The following EFHC2 variants were observed in gnomAD, a reference collection of about 807,000 sequenced individuals.
The protein encoded by EFHC2 is EF-hand domain-containing family member C2.
A neutral mutation model predicts 52.7 loss-of-function variants in EFHC2; 18 were observed. The observed-to-expected ratio is 0.34, with a 90% CI of 0.24 to 0.51. The LOEUF is 0.51. Among genes scored for constraint, EFHC2 ranks in the 20% least tolerant of loss-of-function variants. The pLI, the probability that EFHC2 is intolerant of heterozygous loss-of-function variation, is 0.97. For missense variants in EFHC2, 513 were observed against 562.5 expected, an observed-to-expected ratio of 0.91 and a Z score of 0.89; for synonymous variants, 203 against 204.1, an observed-to-expected ratio of 0.99 and a Z score of 0.04.
intron 11 of EFHC2, among the ~76,000 whole-genome samples, chrX:44,190,702 G>GAA (rs11435008): frequency 7.5e-5 from 8 of 106,679 alleles, no homozygotes; most frequent in Admixed American, 3.0e-4. Context: ...TGTTGATGGG[G>GAA]AAAAAAAAAT....
At chrX:44,182,570 C>A (rs540655412) in intron 11 of EFHC2, among the ~76,000 whole-genome samples, 1 of 112,231 alleles carries the variant, frequency 8.9e-6, no homozygotes, top group South Asian at 3.7e-4. Flanking sequence ...AACATAGGTA[C>A]AACTTCCATC....
intron 2 of EFHC2, among the ~76,000 whole-genome samples, chrX:44,306,344 A>G (rs1228653299): frequency 4.5e-5 from 5 of 111,542 alleles, no homozygotes; most frequent in Non-Finnish European, 9.4e-5. Flanking sequence ...CCAGACAGGA[A>G]AAACAAAAGG....
At chrX:44,321,579 AGGGGCAGCTGGTAAGAT>A (rs1001723973) in intron 1 of EFHC2, among the ~76,000 whole-genome samples, 3 of 111,796 alleles carry the variant, frequency 2.7e-5, no homozygotes, top group African/African-American at 9.8e-5. Flanking sequence ...AAGACTAAAA[AGGGGCAGCTGGTAAGAT>A]GGGAAGAACA....
chrX:44,177,476 C>A (rs1285154582), intron 12 of EFHC2, among the ~76,000 whole-genome samples: 1 of 111,129 alleles, frequency 9.0e-6, no homozygotes, highest in African/African-American at 3.3e-5. Flanking sequence ...AGAGCAAGAA[C>A]TAAGATTTTT....
At chrX:44,150,690 G>C (rs1479774395) in intron 14 of EFHC2, among the ~76,000 whole-genome samples, 3 of 111,578 alleles carry the variant, frequency 2.7e-5, no homozygotes, top group African/African-American at 9.8e-5. Flanking sequence ...GGGCATGGAG[G>C]ACAGGAGCTA....
intron 11 of EFHC2, among the ~76,000 whole-genome samples, chrX:44,217,105 A>G (rs1045851464): frequency 7.1e-5 from 8 of 112,450 alleles, no homozygotes; most frequent in African/African-American, 2.6e-4. Context: ...AATGGCAAAC[A>G]GGCATATGAA....
Position 44,198,230 on chromosome X carries a change from C to T in EFHC2, c.1752-19666G>A, listed in dbSNP as rs187683051. 9.8e-4 allele frequency among the ~76,000 whole-genome samples: 110 copies of T among 111,880 alleles called. No individual in the cohort carries two copies. In the East Asian group the frequency reaches 0.028, roughly 28 times the overall value. On this transcript the variant is annotated intron_variant, in intron 11 of 14. Coordinates refer to ENST00000420999, the MANE Select transcript of EFHC2 (RefSeq NM_025184.4). Reference sequence around the variant, plus strand: ...CCACTCTTTAGAAACATAAGAAACACTCTATCTGTTTTGGCACAACATTAT... The same window carrying T: ...CCACTCTTTAGAAACATAAGAAACATTCTATCTGTTTTGGCACAACATTAT...
In EFHC2 at chrX:44,225,148, G is replaced by C. The variant is rs142477622; in HGVS notation, c.1751+4501C>G. ...GCAGCTCTCACAGGCGAATCTGATA[G>C]ACCATGCCAAAAAGATTCTAAAGAG... is the stretch of plus-strand genomic sequence containing the variant. On this transcript the variant is annotated intron_variant, in intron 11 of 14. Coordinates refer to ENST00000420999, the MANE Select transcript of EFHC2 (RefSeq NM_025184.4). Among the ~76,000 whole-genome samples the C allele has an allele frequency of 1.1e-3, 120 of 110,045 alleles. 1 individual carries two copies. Among genetic ancestry groups the C allele is most frequent in the African/African-American group, 3.7e-3 (113 of 30,134 alleles).
chrX:44,157,052 C>T (rs932076282), intron 14 of EFHC2, among the ~76,000 whole-genome samples: 4 of 112,255 alleles, frequency 3.6e-5, no homozygotes, highest in Non-Finnish European at 7.5e-5. Context: ...AGGCCATAGC[C>T]GACAGTCATG....
chrX:44,169,302 G>T (rs1045934375), intron 13 of EFHC2, among the ~76,000 whole-genome samples: 8 of 110,875 alleles, frequency 7.2e-5, no homozygotes, highest in Non-Finnish European at 1.3e-4. Context: ...TTCATACAGG[G>T]TCTTGCTCTG....
At chrX:44,168,755 C>T (rs1422046572) in intron 13 of EFHC2, among the ~76,000 whole-genome samples, 3 of 110,142 alleles carry the variant, frequency 2.7e-5, no homozygotes, top group Non-Finnish European at 5.7e-5. Flanking sequence ...CATGCGTAAA[C>T]TCTCCCTTTC....
At chrX:44,158,251 G>GT (rs1416740883) in intron 14 of EFHC2, among the ~76,000 whole-genome samples, 6 of 111,624 alleles carry the variant, frequency 5.4e-5, no homozygotes, top group African/African-American at 2.0e-4. Flanking sequence ...CAGCCAATAA[G>GT]TTTTTTTTAT....
At chrX:44,282,787 C>T (rs1368843691) in intron 2 of EFHC2, among the ~76,000 whole-genome samples, 2 of 110,529 alleles carry the variant, frequency 1.8e-5, no homozygotes, top group Admixed American at 9.6e-5. Context: ...ACCATGACTA[C>T]GCTTTTGGAA....
intron 11 of EFHC2, among the ~76,000 whole-genome samples, chrX:44,209,930 G>C (rs1418013386): frequency 2.7e-5 from 3 of 110,477 alleles, no homozygotes; most frequent in African/African-American, 9.9e-5. Flanking sequence ...CTGATGATTT[G>C]TTACTGACTC....
chrX:44,319,002 CTTT>C (rs561439134), intron 1 of EFHC2, among the ~76,000 whole-genome samples: 4 of 91,373 alleles, frequency 4.4e-5, no homozygotes, highest in Admixed American at 1.2e-4. Flanking sequence ...AGGCAAAAGA[CTTT>C]TTTTTTTTTT....
At chrX:44,202,446 CA>C (rs1185056026) in intron 11 of EFHC2, among the ~76,000 whole-genome samples, 1 of 111,867 alleles carries the variant, frequency 8.9e-6, no homozygotes, top group Non-Finnish European at 1.9e-5. Context: ...AAAACAATAG[CA>C]TTCATACATA....
intron 8 of EFHC2, among the ~76,000 whole-genome samples, chrX:44,237,796 T>C (rs779918501): frequency 5.2e-4 from 58 of 111,523 alleles, no homozygotes; most frequent in Non-Finnish European, 9.0e-4. Flanking sequence ...CCTCCTTGTT[T>C]GCTCCTTTTT....
rs758597060 is a variant in EFHC2 at position 44,256,018 on chromosome X, A to G, written c.606+5057T>C. 8.9e-5 allele frequency among the ~76,000 whole-genome samples: 10 copies of G among 112,259 alleles called. No homozygotes were observed. In the South Asian group the frequency reaches 3.6e-3, roughly 41 times the overall value. On this transcript the variant is annotated intron_variant, in intron 4 of 14. Transcript: ENST00000420999. ...TGCAAACTGAACAACCTGCTCCTGA[A>G]TGACTACTGGGTAAATAACAAAATT...
At chrX:44,233,531 T>A (rs180891225) in intron 9 of EFHC2, among the ~76,000 whole-genome samples, 2 of 111,744 alleles carry the variant, frequency 1.8e-5, no homozygotes, top group Admixed American at 1.9e-4. Context: ...TCTACAGACC[T>A]ATAAATATAG....
Sources: gnomAD v4.1 joint callset for allele counts (sites outside exome capture counted in the v4.1 genomes callset) on GRCh38, gnomAD v4.1.1 for gene constraint, MANE v1.5 for transcripts, NCBI Gene and HGNC (gene_info 2026-07-23, HGNC 2026-07-21) for gene names.